Variants in MTM1 observed in about 807,000 individuals in gnomAD.
The protein encoded by MTM1 is myotubularin 1.
Under a neutral mutation model 52.1 loss-of-function variants are expected in MTM1, and 9 were observed. The observed-to-expected ratio is 0.17, with a 90% CI of 0.10 to 0.30. MTM1 has a LOEUF of 0.30. Ranked by LOEUF, MTM1 falls within the 10% of genes least tolerant of loss-of-function variation. MTM1 has a pLI of 1.00. For synonymous variants in MTM1, 136 were observed against 163.8 expected (o/e 0.83, Z 1.29); for missense variants, 277 against 470.7 (o/e 0.59, Z 3.81).
intron 1 of MTM1, among the ~76,000 whole-genome samples, chrX:150,575,719 C>T (rs1478714937): frequency 1.8e-5 from 2 of 112,380 alleles, no homozygotes; most frequent in African/African-American, 6.5e-5. Context: ...TTCAATGTTT[C>T]ACCATAAAGT....
At chrX:150,606,683 A>G (rs2039162962) in intron 4 of MTM1, among the ~76,000 whole-genome samples, 2 of 110,959 alleles carry the variant, frequency 1.8e-5, no homozygotes, top group Non-Finnish European at 3.8e-5. Context: ...CATTCTTTAC[A>G]CCTTTCTCCT....
chrX:150,570,058 G>A (rs1306902731), intron 1 of MTM1, among the ~76,000 whole-genome samples: 1 of 111,820 alleles, frequency 8.9e-6, no homozygotes, highest in African/African-American at 3.3e-5. Flanking sequence ...TTCTAGTGTA[G>A]TTAGTAAATG....
At position 150,616,721 on chromosome X, in the gene MTM1, T is replaced by G. The variant is rs59461671; in HGVS notation, c.342+2022T>G. ...AGTAAAACCATACCACCACAAAGCC[T>G]TCTCTTTCCTTCCCCACCTCACTCC... On this transcript the variant is annotated intron_variant, in intron 5 of 14. Transcript: ENST00000370396. Among the ~76,000 whole-genome samples the G allele has an allele frequency of 5.4e-3, 608 of 111,846 alleles. 4 individuals carry two copies. The highest frequency in any genetic ancestry group is 0.019 in the African/African-American group (583 of 30,812).
At chrX:150,596,273 A>C (rs183071501) in intron 2 of MTM1, among the ~76,000 whole-genome samples, 1 of 112,369 alleles carries the variant, frequency 8.9e-6, no homozygotes, top group African/African-American at 3.2e-5. Context: ...AATATTATTG[A>C]AAAGCATGCT....
intron 6 of MTM1, among the ~76,000 whole-genome samples, chrX:150,628,812 G>T (rs1336381899): frequency 9.4e-6 from 1 of 106,771 alleles, no homozygotes; most frequent in African/African-American, 3.5e-5. Flanking sequence ...ACAGCTCACC[G>T]CAGCCCGCAG....
chrX:150,661,578 T>C (rs782817299), intron 13 of MTM1, among the ~76,000 whole-genome samples: 59 of 111,981 alleles, frequency 5.3e-4, no homozygotes, highest in African/African-American at 1.9e-3. Flanking sequence ...GTAGTACCTA[T>C]ATACAGTAGA....
chrX:150,605,986 C>T (rs1416722716), intron 4 of MTM1, among the ~76,000 whole-genome samples: 1 of 108,478 alleles, frequency 9.2e-6, no homozygotes, highest in Non-Finnish European at 1.9e-5. Context: ...AAAAAGGATT[C>T]CTGTAGTATT....
At chrX:150,608,717 T>C (rs138644277) in intron 4 of MTM1, among the ~76,000 whole-genome samples, 1 of 111,635 alleles carries the variant, frequency 9.0e-6, no homozygotes, top group East Asian at 2.8e-4. Flanking sequence ...GTAGTCACTT[T>C]GTTGTACAGT....
In MTM1 at chrX:150,596,483, C is replaced by A; in HGVS notation, c.64-15C>A. 2.5e-6 allele frequency: 3 copies of A among 1,194,215 alleles called. No homozygotes were observed. The highest frequency in any genetic ancestry group is 3.4e-6 in the Non-Finnish European group (3 of 880,973). On this transcript the variant is annotated splice_polypyrimidine_tract_variant and intron_variant, in intron 2 of 14. Coordinates refer to ENST00000370396, the MANE Select transcript of MTM1 (RefSeq NM_000252.3). ...TGTAACGTCATTACTTCTGATGCATCTGTTTTGTTTCTAGACGTCTCGAGA... is the reference window on the plus strand; with the variant it reads ...TGTAACGTCATTACTTCTGATGCATATGTTTTGTTTCTAGACGTCTCGAGA...
In MTM1 at chrX:150,585,666, A is replaced by T. The variant is rs188818911; in HGVS notation, c.-10-6939A>T. ...GAATTGGCAGATGCACGGGAACTTG[A>T]TCTTGTTCCTATTTTAAAACTTTGT... On this transcript the variant is annotated intron_variant, in intron 1 of 14. Transcript: ENST00000370396. Among the ~76,000 whole-genome samples, 137 of 111,834 alleles carry T rather than the reference A, an allele frequency of 1.2e-3. 1 individual carries two copies. The Middle Eastern group carries it at 0.023, about 19-fold the overall frequency.
chrX:150,645,373 A>G (rs190735051), intron 8 of MTM1, among the ~76,000 whole-genome samples: 1 of 112,832 alleles, frequency 8.9e-6, no homozygotes, highest in Admixed American at 9.4e-5. Context: ...TGCAAGCTAC[A>G]TAATTAAAAT....
At chrX:150,610,507 T>C (rs1189317027) in intron 4 of MTM1, among the ~76,000 whole-genome samples, 3 of 112,482 alleles carry the variant, frequency 2.7e-5, no homozygotes, top group African/African-American at 6.4e-5. Flanking sequence ...GTACAAGGCA[T>C]AGACTTTTGA....
chrX:150,621,268 C>T (rs2039476136), intron 6 of MTM1, among the ~76,000 whole-genome samples: 1 of 110,233 alleles, frequency 9.1e-6, no homozygotes, highest in Non-Finnish European at 1.9e-5. Flanking sequence ...GTCAGCTTTT[C>T]AGTTCCCCCC....
At chrX:150,660,936 C>A (rs782383042) in intron 13 of MTM1, among the ~76,000 whole-genome samples, 1 of 112,072 alleles carries the variant, frequency 8.9e-6, no homozygotes, top group Non-Finnish European at 1.9e-5. Flanking sequence ...CATGAGGGAC[C>A]TGTCCTCATG....
rs149264934 is a variant in MTM1, at chrX:150,638,328, C to G, written c.445-615C>G. On this transcript the variant is annotated intron_variant, in intron 6 of 14. Transcript: ENST00000370396. Reference sequence around the variant, plus strand: ...GATGCTGGAGAATGATAGGTCCTTACTAGTCACTAGAGTATGGATGGTATT... The same window carrying G: ...GATGCTGGAGAATGATAGGTCCTTAGTAGTCACTAGAGTATGGATGGTATT... Among the ~76,000 whole-genome samples the G allele has an allele frequency of 2.4e-3, 264 of 110,945 alleles. 1 individual carries two copies. The highest frequency in any genetic ancestry group is 3.9e-3 in the Non-Finnish European group (205 of 52,932).
chrX:150,648,978 AATGGGGAC>A (rs1557414103), intron 9 of MTM1, among the ~76,000 whole-genome samples: 1 of 112,529 alleles, frequency 8.9e-6, no homozygotes, highest in Non-Finnish European at 1.9e-5. Flanking sequence ...TCATTGGCAA[AATGGGGAC>A]AGTAATACCT....
intron 1 of MTM1, among the ~76,000 whole-genome samples, chrX:150,578,618 A>C (rs1235753140): frequency 8.9e-6 from 1 of 112,068 alleles, no homozygotes; most frequent in Admixed American, 9.4e-5. Flanking sequence ...AAACTGTTCC[A>C]GCATCATTTG....
chrX:150,614,546 A>T, intron 4 of MTM1, 43 bp from the exon 5 acceptor site: 4 of 772,239 alleles, frequency 5.2e-6, no homozygotes, highest in Non-Finnish European at 8.0e-6. Flanking sequence ...TGTTTTAATT[A>T]TACTGACAGA....
At chrX:150,572,770 G>C (rs782162843) in intron 1 of MTM1, among the ~76,000 whole-genome samples, 85 of 112,626 alleles carry the variant, frequency 7.5e-4, no homozygotes, top group African/African-American at 2.6e-3. Flanking sequence ...GGGAAGAGAT[G>C]GTTGATAGCT....
Sources: gnomAD v4.1 joint callset for allele counts (sites outside exome capture counted in the v4.1 genomes callset) on GRCh38, gnomAD v4.1.1 for gene constraint, MANE v1.5 for transcripts, NCBI Gene and HGNC (gene_info 2026-07-23, HGNC 2026-07-21) for gene names.